The following SMAP1 variants were observed in gnomAD, a reference collection of about 807,000 sequenced individuals.
The protein encoded by SMAP1 is stromal membrane-associated protein 1.
A neutral mutation model predicts 58.5 loss-of-function variants in SMAP1; 24 were observed. That is an observed-to-expected ratio of 0.41 (90% CI 0.30 to 0.58). SMAP1 has a LOEUF of 0.58. SMAP1 is among the 20% of genes least tolerant of loss of function. The pLI is 0.29. For missense variants in SMAP1, 563 were observed against 566.3 expected, an observed-to-expected ratio of 0.99 and a Z score of 0.06; for synonymous variants, 216 against 196.6, an observed-to-expected ratio of 1.10 and a Z score of -0.82.
chr6:70,768,274 T>G (rs959713327), intron 3 of SMAP1, among the ~76,000 whole-genome samples: 1 of 152,246 alleles, frequency 6.6e-6, no homozygotes, highest in Non-Finnish European at 1.5e-5. Flanking sequence ...TAAAATGAGT[T>G]AGGGAGGATT....
At chr6:70,675,788 T>C (rs528919962) in intron 1 of SMAP1, among the ~76,000 whole-genome samples, 20 of 152,158 alleles carry the variant, frequency 1.3e-4, no homozygotes, top group Non-Finnish European at 2.9e-4. Context: ...AGAAAAGAGT[T>C]AACAAAGCAG....
At position 70,860,321 on chromosome 6, in the gene SMAP1, A is replaced by G. The variant is rs774589053; in HGVS notation, c.1391A>G (p.Gln464Arg). Residue 464 changes from glutamine to arginine, a missense_variant, in exon 11 of 11, where the codon CAA becomes CGA. Around this residue, in one of 3 missense-constraint regions of SMAP1, gnomAD observed 494 missense variants for 473.8 expected, o/e 1.04. Transcript: ENST00000370455. ...GSSSGQTLST[Q>R]LWK ...TCATCAGGTCAGACTCTCAGCACAC[A>G]ACTGTGGAAATGAAAACTGCAATAC... 1.2e-6 allele frequency: 2 copies of G among 1,607,582 alleles called. No homozygotes were observed. Among genetic ancestry groups the G allele is most frequent in the Non-Finnish European group, 1.7e-6 (2 of 1,178,284 alleles).
Position 70,754,964 on chromosome 6 carries a change from AT to A in SMAP1, c.253-8del, listed in dbSNP as rs760370681. ...TAATGTTTATGTGAGTAATTAAAAAATTTTTTTTATTATAGTGCATGCAAGA... is the reference window on the plus strand; with the variant it reads ...TAATGTTTATGTGAGTAATTAAAAAATTTTTTTATTATAGTGCATGCAAGA... On this transcript the variant is annotated splice_polypyrimidine_tract_variant and intron_variant, in intron 2 of 10. Coordinates refer to ENST00000370455, the MANE Select transcript of SMAP1 (RefSeq NM_001044305.3). 8.2e-6 allele frequency: 13 copies of A among 1,577,848 alleles called. No homozygotes were observed. The highest frequency in any genetic ancestry group is 5.3e-5 in the Admixed American group (3 of 56,450).
At chr6:70,671,562 A>G (rs1056393589) in intron 1 of SMAP1, among the ~76,000 whole-genome samples, 1 of 152,216 alleles carries the variant, frequency 6.6e-6, no homozygotes, top group Non-Finnish European at 1.5e-5. Flanking sequence ...TGGGTGACAG[A>G]ACAAGACTCC....
intron 2 of SMAP1, among the ~76,000 whole-genome samples, chr6:70,735,927 A>T (rs1455781313): frequency 1.3e-5 from 2 of 152,178 alleles, no homozygotes; most frequent in African/African-American, 2.4e-5. Context: ...CTATTTTTTT[A>T]AAAATACCTT....
intron 1 of SMAP1, among the ~76,000 whole-genome samples, chr6:70,699,936 G>A (rs7753513): frequency 6.6e-6 from 1 of 151,794 alleles, no homozygotes; most frequent in East Asian, 2.0e-4. Flanking sequence ...CAAAGTCCCC[G>A]TTATTCTTCC....
chr6:70,672,167 G>GT (rs1766294239), intron 1 of SMAP1, among the ~76,000 whole-genome samples: 1 of 152,192 alleles, frequency 6.6e-6, no homozygotes, highest in African/African-American at 2.4e-5. Context: ...TGTGGGTTGT[G>GT]TTTTTGCAAA....
At chr6:70,841,946 A>G (rs973112312) in intron 7 of SMAP1, among the ~76,000 whole-genome samples, 2 of 152,242 alleles carry the variant, frequency 1.3e-5, no homozygotes, top group Non-Finnish European at 2.9e-5. Flanking sequence ...CTCAAAGTCC[A>G]TGTGCTATAT....
At chr6:70,841,967 T>C (rs964536298) in intron 7 of SMAP1, among the ~76,000 whole-genome samples, 7 of 152,222 alleles carry the variant, frequency 4.6e-5, no homozygotes, top group Non-Finnish European at 1.0e-4. Flanking sequence ...AAAGCAAATT[T>C]GGGAATGAGC....
chr6:70,739,787 AC>A (rs1168329940), intron 2 of SMAP1, among the ~76,000 whole-genome samples: 1 of 151,922 alleles, frequency 6.6e-6, no homozygotes, highest in Non-Finnish European at 1.5e-5. Context: ...TTTTTAAATT[AC>A]ATTTTTTTCC....
rs369742473 is a variant in SMAP1 at position 70,861,637 on chromosome 6, C to T, written c.*1303C>T. The T allele has an allele frequency of 4.4e-6, 7 of 1,603,148 alleles. No individual in the cohort carries two copies. Among genetic ancestry groups the T allele is most frequent in the Admixed American group, 1.7e-5 (1 of 59,858 alleles). On this transcript the variant is annotated 3_prime_UTR_variant, in exon 11 of 11. Transcript: ENST00000370455. ...CTTCCATATGGATCCACTGGCTGGA[C>T]AAACTGCACCAGTTGCTGCTTCAAT... is the stretch of plus-strand genomic sequence containing the variant.
chr6:70,823,880 T>A (rs998894411), intron 6 of SMAP1, among the ~76,000 whole-genome samples: 14 of 147,230 alleles, frequency 9.5e-5, no homozygotes, highest in African/African-American at 1.5e-4. Context: ...GCCCAAGGGT[T>A]TTTTTTTTTT....
At chr6:70,814,347 C>T (rs1172957306) in intron 6 of SMAP1, among the ~76,000 whole-genome samples, 1 of 152,128 alleles carries the variant, frequency 6.6e-6, no homozygotes, top group African/African-American at 2.4e-5. Context: ...GAAAATCAGT[C>T]TTATCACTTC....
At chr6:70,681,423 T>C (rs553623106) in intron 1 of SMAP1, among the ~76,000 whole-genome samples, 1 of 152,300 alleles carries the variant, frequency 6.6e-6, no homozygotes, top group East Asian at 1.9e-4. Flanking sequence ...TAAGACCCTG[T>C]CTCAAAAACA....
At chr6:70,780,938 A>G (rs2149924742) in intron 4 of SMAP1, among the ~76,000 whole-genome samples, 1 of 152,348 alleles carries the variant, frequency 6.6e-6, no homozygotes, top group Non-Finnish European at 1.5e-5. Context: ...AATTAAGATG[A>G]AGTATACTCT....
intron 6 of SMAP1, among the ~76,000 whole-genome samples, chr6:70,799,367 A>T (rs975018148): frequency 2.2e-4 from 34 of 152,284 alleles, no homozygotes; most frequent in Non-Finnish European, 7.4e-5. Flanking sequence ...GGTACTCCTA[A>T]TTCAGAAGGG....
At chr6:70,696,941 A>G (rs1440839842) in intron 1 of SMAP1, among the ~76,000 whole-genome samples, 1 of 152,196 alleles carries the variant, frequency 6.6e-6, no homozygotes, top group African/African-American at 2.4e-5. Flanking sequence ...ATATATATTT[A>G]CAATTGTTAT....
At position 70,779,273 on chromosome 6, in the gene SMAP1, A is replaced by G. The variant is rs1232523340; in HGVS notation, c.414+5848A>G. On this transcript the variant is annotated intron_variant, in intron 4 of 10. Transcript: ENST00000370455. ...TCTGATGCTGAGACCTTCCGGGAAG[A>G]TGTCAAGTGATGTTGGGAGGGAGAT... is the stretch of plus-strand genomic sequence containing the variant. Among the ~76,000 whole-genome samples, 4 of 152,192 alleles carry G rather than the reference A, an allele frequency of 2.6e-5. No homozygotes were observed. The South Asian group carries it at 6.2e-4, about 24-fold the overall frequency.
At chr6:70,759,269 C>T (rs529576201) in intron 3 of SMAP1, among the ~76,000 whole-genome samples, 1 of 151,942 alleles carries the variant, frequency 6.6e-6, no homozygotes, top group African/African-American at 2.4e-5. Context: ...TTTATTCCCT[C>T]TTTTTTTGCC....
Sources: gnomAD v4.1 joint callset for allele counts (sites outside exome capture counted in the v4.1 genomes callset) on GRCh38, gnomAD v4.1.1 for gene constraint, gnomAD v4.1.1 regional missense constraint, MANE v1.5 for transcripts, NCBI Gene and HGNC (gene_info 2026-07-23, HGNC 2026-07-21) for gene names.